C3orf52: variants seen among roughly 807,000 people sequenced by gnomAD.
C3orf52 encodes the protein chromosome 3 open reading frame 52, also known as TPA-induced transmembrane protein.
A neutral mutation model predicts 24.8 loss-of-function variants in C3orf52; 22 were observed. The observed-to-expected ratio is 0.89, with a 90% CI of 0.63 to 1.27. The LOEUF (loss-of-function observed/expected upper bound fraction) is 1.27, where lower values mean the gene tolerates loss of function less well. C3orf52 is among the 50% of genes most tolerant of loss of function. The pLI, the probability that C3orf52 is intolerant of heterozygous loss-of-function variation, is 0.00. For synonymous variants in C3orf52, 93 were observed against 100.2 expected (o/e 0.93, Z 0.43); for missense variants, 265 against 260.7 (o/e 1.02, Z -0.11).
chr3:112,114,773 C>T (rs2074120399), intron 5 of C3orf52, among the ~76,000 whole-genome samples: 1 of 152,152 alleles, frequency 6.6e-6, no homozygotes, highest in Non-Finnish European at 1.5e-5. Flanking sequence ...CCTGTGGGGG[C>T]TGCTGCTGTG....
rs373903769 is a variant in C3orf52 at position 112,111,164 on chromosome 3, G to A, written c.467+1551G>A. Among the ~76,000 whole-genome samples the A allele has an allele frequency of 6.5e-3, 989 of 152,302 alleles. 14 individuals are homozygous for A. The highest frequency in any genetic ancestry group is 0.023 in the African/African-American group (938 of 41,548). On this transcript the variant is annotated intron_variant, in intron 4 of 5. Coordinates refer to ENST00000264848, the MANE Select transcript of C3orf52 (RefSeq NM_024616.3). ...TCGCAGGTTGCAGTGAGCTGAGATC[G>A]CACCATTGCACTCCAGCCTGTGACA... is the stretch of plus-strand genomic sequence containing the variant.
At position 112,116,866 on chromosome 3, in the gene C3orf52, A is replaced by T. The variant is rs1396499318; in HGVS notation, c.*220A>T. 6 of 1,537,276 alleles carry T rather than the reference A, an allele frequency of 3.9e-6. No individual in the cohort carries two copies. Among genetic ancestry groups the T allele is most frequent in the African/African-American group, 2.7e-5 (2 of 73,050 alleles). On this transcript the variant is annotated 3_prime_UTR_variant, in exon 6 of 6. Coordinates refer to ENST00000264848, the MANE Select transcript of C3orf52 (RefSeq NM_024616.3). ...CTTCAGCTGGGTCCAGTCTTGACAA[A>T]GGCAGGAAGCCAGCTAGGGTGGGGG...
chr3:112,107,003 G>A (rs1278989037), intron 3 of C3orf52, among the ~76,000 whole-genome samples: 1 of 152,124 alleles, frequency 6.6e-6, no homozygotes, highest in Non-Finnish European at 1.5e-5. Flanking sequence ...TCACTTCTTT[G>A]GGCCCAAAGT....
intron 1 of C3orf52, among the ~76,000 whole-genome samples, chr3:112,086,928 T>G (rs2073834874): frequency 6.6e-6 from 1 of 152,194 alleles, no homozygotes; most frequent in Non-Finnish European, 1.5e-5. Flanking sequence ...AGTATCCTCC[T>G]TCTCTCAGAA....
At chr3:112,132,110 G>A (rs975504229), downstream of C3orf52, among the ~76,000 whole-genome samples, 3 of 152,140 alleles carry the variant, frequency 2.0e-5, no homozygotes, top group Admixed American at 1.3e-4. Flanking sequence ...TTATATAATT[G>A]TTAGAACAAT....
At chr3:112,109,482 G>A (rs919342223) in intron 3 of C3orf52, 61 bp from the exon 4 acceptor site, 5 of 1,069,650 alleles carry the variant, frequency 4.7e-6, no homozygotes, top group Non-Finnish European at 7.0e-6. Flanking sequence ...TGCTTTGTCA[G>A]GTGATGTGTA....
chr3:112,112,162 A>G (rs2074089465), intron 4 of C3orf52: 1 of 152,260 alleles, frequency 6.6e-6, no homozygotes, highest in African/African-American at 2.4e-5. Flanking sequence ...TAGGATAACT[A>G]TGAATAAACT....
At position 112,102,882 on chromosome 3, in the gene C3orf52, TCAAA is replaced by T; in HGVS notation, c.318_321del (p.Asn106LysfsTer7). 1 of 1,595,552 alleles carries T rather than the reference TCAAA, an allele frequency of 6.3e-7. No homozygotes were observed. Among genetic ancestry groups the T allele is most frequent in the Non-Finnish European group, 8.5e-7 (1 of 1,170,082 alleles). The stretch of plus-strand genomic sequence containing the variant: ...TGAAAATGAAATACTTGAATTATCA[TCAAA>T]CAAAACATTCTTCATCATGCTGAAG... On this transcript the variant is annotated frameshift_variant, in exon 3 of 6. Transcript: ENST00000264848. LOFTEE classifies it high-confidence loss of function.
chr3:112,086,562 G>A lies in C3orf52; in HGVS notation c.138+17G>A, dbSNP rs75888213. ...CCGGCCGAGGTAAGGTCCCCTTGGC[G>A]CTGGCCCTAACTTGCCGGCGGCGGG... On this transcript the variant is annotated intron_variant, in intron 1 of 5. Coordinates refer to ENST00000264848, the MANE Select transcript of C3orf52 (RefSeq NM_024616.3). The A allele has an allele frequency of 7.8e-5, 121 of 1,544,410 alleles. No individual in the cohort carries two copies. In the African/African-American group the frequency reaches 1.5e-3, roughly 20 times the overall value.
At chr3:112,130,253 A>T (rs1371803479), downstream of C3orf52, 9 of 603,202 alleles carry the variant, frequency 1.5e-5, no homozygotes, top group Admixed American at 1.2e-4. Flanking sequence ...TTAGGCTTCT[A>T]GCAAAGTAGC....
At chr3:112,098,965 G>T (rs2073948853) in intron 2 of C3orf52, among the ~76,000 whole-genome samples, 1 of 152,254 alleles carries the variant, frequency 6.6e-6, no homozygotes, top group Admixed American at 6.5e-5. Flanking sequence ...AGAGGGGCCT[G>T]GTGGGAGGTG....
downstream of C3orf52, chr3:112,122,747 G>A (rs2074224416): frequency 1.3e-5 from 2 of 152,094 alleles, no homozygotes; most frequent in South Asian, 2.1e-4. Context: ...GCCAAAGAAG[G>A]GTAGTGGGAT....
chr3:112,121,587 C>T (rs2074200819), downstream of C3orf52: 1 of 152,218 alleles, frequency 6.6e-6, no homozygotes, highest in African/African-American at 2.4e-5. Flanking sequence ...AGCCATGTTA[C>T]ATCTTGTACA....
At chr3:112,128,372 C>A in exon 5 of C3orf52, 1 of 502,748 alleles carries the variant, frequency 2.0e-6, no homozygotes, top group South Asian at 1.9e-5. Context: ...AGTGTTATCC[C>A]CAGGAAATCA....
intron 4 of C3orf52, among the ~76,000 whole-genome samples, chr3:112,127,719 G>A (rs746808040): frequency 2.6e-5 from 4 of 152,142 alleles, no homozygotes; most frequent in African/African-American, 4.8e-5. Flanking sequence ...TGTGTGCTTC[G>A]GAACATGCAG....
rs1317824024 is a variant in C3orf52, at chr3:112,117,155, G to A, written c.*509G>A. The A allele has an allele frequency of 8.8e-6, 5 of 567,682 alleles. No individual in the cohort carries two copies. Among genetic ancestry groups the A allele is most frequent in the Admixed American group, 6.2e-5 (2 of 32,290 alleles). The allele number at this position is 567,682 out of a possible 1,614,324, so 35.2% of individuals were successfully genotyped here. A position where few individuals can be genotyped will look rare whatever the true frequency, so the allele number is the denominator to read the frequency against. The stretch of plus-strand genomic sequence containing the variant: ...ACGGAGAGGCAGGCAGCCAGGTTAC[G>A]AAGACTAAGCCAATTATTCACTGAA... On this transcript the variant is annotated 3_prime_UTR_variant, in exon 6 of 6. Coordinates refer to ENST00000264848, the MANE Select transcript of C3orf52 (RefSeq NM_024616.3).
rs556832529 is a variant in C3orf52 at position 112,094,902 on chromosome 3, C to A, written c.268+1413C>A. On this transcript the variant is annotated intron_variant, in intron 2 of 5. Transcript: ENST00000264848. ...GTTGAGTCCAGCTCCCAGTTACAAA[C>A]CCAGTCATAGAATGAGAAGAAGAAG... is the stretch of plus-strand genomic sequence containing the variant. Among the ~76,000 whole-genome samples, 14 of 152,304 alleles carry A rather than the reference C, an allele frequency of 9.2e-5. No homozygotes were observed. The South Asian group carries it at 2.7e-3, about 29-fold the overall frequency.
Position 112,117,270 on chromosome 3 carries a change from G to A in C3orf52, c.*624G>A. Reference sequence around the variant, plus strand: ...AGGCACTTTAGAAGACCTCAGCAGTGTGGTTCTGTGTCTACTTCCATGACC... The same window carrying A: ...AGGCACTTTAGAAGACCTCAGCAGTATGGTTCTGTGTCTACTTCCATGACC... On this transcript the variant is annotated 3_prime_UTR_variant, in exon 6 of 6. Coordinates refer to ENST00000264848, the MANE Select transcript of C3orf52 (RefSeq NM_024616.3). 2.5e-6 allele frequency: 1 copy of A among 402,786 alleles called. No homozygotes were observed. The highest frequency in any genetic ancestry group is 4.5e-6 in the Non-Finnish European group (1 of 223,532). The allele number at this position is 402,786 out of a possible 1,614,324, so 25.0% of individuals were successfully genotyped here.
chr3:112,114,921 G>A (rs905175407), intron 5 of C3orf52, among the ~76,000 whole-genome samples: 5 of 152,198 alleles, frequency 3.3e-5, no homozygotes, highest in Admixed American at 6.5e-5. Context: ...AATAGTACAG[G>A]ATAAAGGGCA....
Sources: gnomAD v4.1 joint callset for allele counts (sites outside exome capture counted in the v4.1 genomes callset) on GRCh38, gnomAD v4.1.1 for gene constraint, MANE v1.5 for transcripts, NCBI Gene and HGNC (gene_info 2026-07-23, HGNC 2026-07-21) for gene names.